Variants in PTGR1 observed in about 807,000 individuals in gnomAD.
The protein encoded by PTGR1 is prostaglandin reductase 1, also known as 15-oxoprostaglandin 13-reductase.
In PTGR1, 23 loss-of-function variants were observed where a neutral mutation model predicts 37.7. That is an observed-to-expected ratio of 0.61 (90% CI 0.44 to 0.86). The LOEUF is 0.86. Among genes scored for constraint, PTGR1 ranks in the 40% least tolerant of loss-of-function variants. PTGR1 has a pLI of 0.00. For synonymous variants in PTGR1, 134 were observed against 140.0 expected, an observed-to-expected ratio of 0.96 and a Z score of 0.30; for missense variants, 351 against 394.3, an observed-to-expected ratio of 0.89 and a Z score of 0.93.
chr9:111,583,166 T>G (rs887955689), intron 6 of PTGR1, among the ~76,000 whole-genome samples: 2 of 152,222 alleles, frequency 1.3e-5, no homozygotes, highest in African/African-American at 4.8e-5. Flanking sequence ...AGGACAATCA[T>G]GAAGAAAGAA....
At chr9:111,553,297 G>GT (rs1564604254) in intron 9 of PTGR1, among the ~76,000 whole-genome samples, 1 of 152,176 alleles carries the variant, frequency 6.6e-6, no homozygotes, top group African/African-American at 2.4e-5. Context: ...GACTATGCCA[G>GT]TTGTAGTACC....
chr9:111,571,935 G>A (rs1312532203), intron 8 of PTGR1, among the ~76,000 whole-genome samples: 1 of 152,162 alleles, frequency 6.6e-6, no homozygotes. Context: ...CTACCCTTCT[G>A]CGTGTAAGGA....
intron 7 of PTGR1, chr9:111,575,515 CAAAGCTA>C (rs1829019096): frequency 6.6e-6 from 1 of 152,210 alleles, no homozygotes; most frequent in East Asian, 1.9e-4. Flanking sequence ...AAACTTAATA[CAAAGCTA>C]AATTAATTAA....
chr9:111,588,518 C>T (rs780759351), intron 4 of PTGR1, among the ~76,000 whole-genome samples: 32 of 151,188 alleles, frequency 2.1e-4, no homozygotes, highest in African/African-American at 7.3e-4. Flanking sequence ...GCGTGAGCCA[C>T]GTGCCTGGCC....
chr9:111,587,640 C>T (rs773940035), intron 4 of PTGR1, among the ~76,000 whole-genome samples: 11 of 151,952 alleles, frequency 7.2e-5, no homozygotes, highest in Non-Finnish European at 1.3e-4. Flanking sequence ...TTAGTAGAGA[C>T]GGGGTTTTGC....
chr9:111,557,443 C>CT (rs35404480), intron 9 of PTGR1, among the ~76,000 whole-genome samples: 5 of 151,178 alleles, frequency 3.3e-5, no homozygotes, highest in African/African-American at 9.7e-5. Context: ...AACTCATTAT[C>CT]TTTTTTTTGC....
At chr9:111,575,347 A>G (rs78779820) in intron 7 of PTGR1, 1 of 152,652 alleles carries the variant, frequency 6.6e-6, no homozygotes, top group Non-Finnish European at 1.5e-5. Context: ...ATTTGATTCT[A>G]AGACCATACC....
intron 2 of PTGR1, among the ~76,000 whole-genome samples, chr9:111,596,154 G>A (rs1427832534): frequency 6.6e-6 from 1 of 152,186 alleles, no homozygotes; most frequent in Non-Finnish European, 1.5e-5. Flanking sequence ...AAAGGTCTTT[G>A]TGGCAGATTG....
At chr9:111,560,476 A>G (rs1828243196), downstream of PTGR1, among the ~76,000 whole-genome samples, 1 of 143,902 alleles carries the variant, frequency 6.9e-6, no homozygotes, top group Admixed American at 6.9e-5. Flanking sequence ...TCCATCTCAA[A>G]AAAAAAAAAA....
intron 9 of PTGR1, among the ~76,000 whole-genome samples, chr9:111,564,507 G>A (rs1003943557): frequency 1.4e-4 from 21 of 151,450 alleles, no homozygotes; most frequent in Non-Finnish European, 2.2e-4. Context: ...GGTCTTGCTA[G>A]GTTGCCCAGG....
At chr9:111,582,201 A>G (rs1374861338) in intron 6 of PTGR1, among the ~76,000 whole-genome samples, 1 of 142,468 alleles carries the variant, frequency 7.0e-6, no homozygotes, top group African/African-American at 2.6e-5. Flanking sequence ...AAATTTAACT[A>G]TTACAACACT....
intron 2 of PTGR1, among the ~76,000 whole-genome samples, chr9:111,595,901 G>A (rs1829766117): frequency 1.3e-5 from 2 of 152,078 alleles, no homozygotes; most frequent in South Asian, 4.2e-4. Flanking sequence ...CCAAAGTTCT[G>A]GGATTACAGG....
chr9:111,598,253 T>C (rs1829842015), intron 1 of PTGR1, among the ~76,000 whole-genome samples: 1 of 152,168 alleles, frequency 6.6e-6, no homozygotes, highest in African/African-American at 2.4e-5. Context: ...AGCTGGGGGT[T>C]CAGGATGTTC....
intron 6 of PTGR1, among the ~76,000 whole-genome samples, chr9:111,583,116 C>G (rs1829328991): frequency 6.6e-6 from 1 of 152,222 alleles, no homozygotes; most frequent in South Asian, 2.1e-4. Flanking sequence ...TGGGTGATGA[C>G]TCTTAGCTGG....
chr9:111,592,330 A>T (rs977690413), intron 4 of PTGR1: 1 of 152,252 alleles, frequency 6.6e-6, no homozygotes, highest in African/African-American at 2.4e-5. Flanking sequence ...ACTGATGCAC[A>T]CACTATATTG....
intron 4 of PTGR1, among the ~76,000 whole-genome samples, chr9:111,588,222 A>G (rs1372619722): frequency 7.3e-6 from 1 of 136,778 alleles, no homozygotes; most frequent in African/African-American, 2.8e-5. Flanking sequence ...TTTGAGACGG[A>G]GTCTCGCTCT....
At chr9:111,589,276 G>T in intron 4 of PTGR1, 1 of 494,888 alleles carries the variant, frequency 2.0e-6, no homozygotes, top group Non-Finnish European at 2.6e-6. Context: ...TGTGTTTGGA[G>T]AGAGAAATTG....
At chr9:111,578,076 G>A (rs77556607) in intron 7 of PTGR1, among the ~76,000 whole-genome samples, 2,694 of 152,038 alleles carry the variant, frequency 0.018, 84 homozygotes, top group African/African-American at 0.062. Context: ...ACTTCTACAC[G>A]TTAAATGAGT....
At chr9:111,575,824 G>A (rs916636236) in intron 7 of PTGR1, among the ~76,000 whole-genome samples, 14 of 152,098 alleles carry the variant, frequency 9.2e-5, no homozygotes, top group Non-Finnish European at 1.8e-4. Context: ...AAATATTCAT[G>A]ACTCTGAGAA....
Sources: allele counts gnomAD v4.1 joint callset (sites outside exome capture counted in the v4.1 genomes callset), GRCh38; gene constraint gnomAD v4.1.1; transcripts MANE v1.5; gene names NCBI Gene and HGNC (gene_info 2026-07-23, HGNC 2026-07-21).